The following KCNC2 variants were observed in gnomAD, a reference collection of about 807,000 sequenced individuals.
KCNC2 encodes the protein voltage-gated potassium channel KCNC2.
Under a neutral mutation model 44.5 loss-of-function variants are expected in KCNC2, and 21 were observed. That is an observed-to-expected ratio of 0.47 (90% CI 0.33 to 0.68). KCNC2 has a LOEUF of 0.68. Among genes scored for constraint, KCNC2 ranks in the 30% least tolerant of loss-of-function variants. KCNC2 has a pLI of 0.01. For synonymous variants in KCNC2, 391 were observed against 339.1 expected (o/e 1.15, Z -1.68); for missense variants, 589 against 826.2 (o/e 0.71, Z 3.52).
chr12:75,093,560 C>T (rs1013832744), intron 2 of KCNC2, among the ~76,000 whole-genome samples: 30 of 151,630 alleles, frequency 2.0e-4, no homozygotes, highest in South Asian at 2.1e-4. Context: ...TTTTGTCTAG[C>T]GGTATTAATC....
chr12:75,099,657 G>A (rs549647869), intron 2 of KCNC2, among the ~76,000 whole-genome samples: 2 of 152,092 alleles, frequency 1.3e-5, no homozygotes, highest in Non-Finnish European at 2.9e-5. Context: ...ATCATTTGAG[G>A]GAAATAAACT....
intron 2 of KCNC2, among the ~76,000 whole-genome samples, chr12:75,182,547 C>CAAAAAAAAACA: frequency 7.5e-6 from 1 of 133,438 alleles, no homozygotes; most frequent in South Asian, 2.4e-4. Context: ...ACAAAAAAAA[C>CAAAAAAAAACA]AAAAAAAAAC....
At chr12:75,109,219 T>G (rs1461838941) in intron 2 of KCNC2, among the ~76,000 whole-genome samples, 1 of 152,180 alleles carries the variant, frequency 6.6e-6, no homozygotes, top group African/African-American at 2.4e-5. Context: ...CCGATTATAA[T>G]CTTACAGAAA....
chr12:75,137,121 C>T (rs1257266983), intron 2 of KCNC2, among the ~76,000 whole-genome samples: 1 of 151,476 alleles, frequency 6.6e-6, no homozygotes, highest in African/African-American at 2.4e-5. Context: ...ACTTTTAGGG[C>T]TTCTCTTTTC....
At chr12:75,169,288 A>G (rs1248265920) in intron 2 of KCNC2, among the ~76,000 whole-genome samples, 1 of 151,590 alleles carries the variant, frequency 6.6e-6, no homozygotes, top group African/African-American at 2.4e-5. Context: ...ACATTTTTGA[A>G]TCATTGACTA....
chr12:75,040,944 G>GTAT lies in KCNC2; in HGVS notation c.*2160_*2161insATA, dbSNP rs1879826942. The GTAT allele has an allele frequency of 2.0e-5, 12 of 614,938 alleles. No individual in the cohort carries two copies. The highest frequency in any genetic ancestry group is 3.2e-4 in the Middle Eastern group (1 of 3,156). 38.1% of individuals were successfully genotyped at this position (614,938 alleles called of 1,614,324 possible). On this transcript the variant is annotated 3_prime_UTR_variant, in exon 5 of 5. Transcript: ENST00000549446. ...CAAGACTGTTGACCCATGCACACAT[G>GTAT]TTGGTATTTACAGTTGTTTCATGGA...
At chr12:75,133,064 A>G (rs1384440874) in intron 2 of KCNC2, among the ~76,000 whole-genome samples, 1 of 152,056 alleles carries the variant, frequency 6.6e-6, no homozygotes, top group East Asian at 1.9e-4. Context: ...AATCGATGAT[A>G]GACTTTATCA....
At position 75,207,395 on chromosome 12, in the gene KCNC2, C is replaced by A; in HGVS notation, c.589G>T (p.Gly197Trp). Residue 197 changes from glycine (G) to tryptophan (W), a missense_variant, in exon 2 of 5, where the codon GGG (glycine) becomes TGG (tryptophan). Around this residue, in one of 7 missense-constraint regions of KCNC2, gnomAD observed 97 missense variants for 73.3 expected, o/e 1.32. Coordinates refer to ENST00000549446, the MANE Select transcript of KCNC2 (RefSeq NM_139137.4). This position sits in a 1 kb window ranked among gnomAD's most constrained non-coding sequence, Gnocchi z 4.1. Reference sequence around the variant, plus strand: ...GATTTGCCGTCGGGGCCCCCGAGCCCCGCCGCGTCCTCGATGCCCAGCCTC... The same window carrying A: ...GATTTGCCGTCGGGGCCCCCGAGCCACGCCGCGTCCTCGATGCCCAGCCTC... ...AKRLGIEDAA[G>W]LGGPDGKSGR... is the part of the protein sequence containing the mutation. 1 of 1,588,590 alleles carries A rather than the reference C, an allele frequency of 6.3e-7. No individual in the cohort carries two copies. The highest frequency in any genetic ancestry group is 2.3e-5 in the East Asian group (1 of 43,562).
intron 2 of KCNC2, among the ~76,000 whole-genome samples, chr12:75,161,076 A>G (rs1040603182): frequency 6.6e-6 from 1 of 151,696 alleles, no homozygotes; most frequent in Non-Finnish European, 1.5e-5. Flanking sequence ...TAATTAGCCC[A>G]TATAACTCAA....
At chr12:75,157,660 A>C (rs1890853513) in intron 2 of KCNC2, among the ~76,000 whole-genome samples, 1 of 151,834 alleles carries the variant, frequency 6.6e-6, no homozygotes, top group African/African-American at 2.4e-5. Flanking sequence ...AGGCCATCAA[A>C]AGTCCCCATG....
intron 2 of KCNC2, among the ~76,000 whole-genome samples, chr12:75,107,496 G>A (rs1185245757): frequency 6.6e-6 from 1 of 152,160 alleles, no homozygotes; most frequent in Non-Finnish European, 1.5e-5. Context: ...ACCGCTGTCA[G>A]AAAAGATTTC....
chr12:75,204,416 T>A (rs1430795972), intron 2 of KCNC2, among the ~76,000 whole-genome samples: 1 of 151,956 alleles, frequency 6.6e-6, no homozygotes, highest in Non-Finnish European at 1.5e-5. Context: ...ACAAAGCACA[T>A]CTATTATATA....
intron 2 of KCNC2, among the ~76,000 whole-genome samples, chr12:75,137,301 T>A (rs1889302717): frequency 6.6e-6 from 1 of 152,186 alleles, no homozygotes; most frequent in Non-Finnish European, 1.5e-5. Context: ...AAATCTCATA[T>A]AATTTACTGG....
chr12:75,120,714 T>A (rs1441253000), intron 2 of KCNC2, among the ~76,000 whole-genome samples: 1 of 152,202 alleles, frequency 6.6e-6, no homozygotes, highest in African/African-American at 2.4e-5. Context: ...GAAAGGCAGT[T>A]GCTGGACCTT....
chr12:75,066,223 T>C (rs1378197238), intron 2 of KCNC2, among the ~76,000 whole-genome samples: 2 of 152,154 alleles, frequency 1.3e-5, no homozygotes, highest in Non-Finnish European at 2.9e-5. Flanking sequence ...TTTGCTTTGT[T>C]ATGTTCTGCT....
intron 2 of KCNC2, among the ~76,000 whole-genome samples, chr12:75,095,728 G>T (rs567092936): frequency 2.6e-5 from 4 of 151,702 alleles, no homozygotes; most frequent in Admixed American, 6.6e-5. Flanking sequence ...CACCTAATAC[G>T]CAGGAAAACA....
At chr12:75,053,198 A>C (rs1204377627) in intron 2 of KCNC2, among the ~76,000 whole-genome samples, 1 of 152,076 alleles carries the variant, frequency 6.6e-6, no homozygotes, top group African/African-American at 2.4e-5. Context: ...TTTAGGAGTC[A>C]TGATTGTTTC....
At chr12:75,071,897 C>A (rs1427232954) in intron 2 of KCNC2, among the ~76,000 whole-genome samples, 1 of 126,006 alleles carries the variant, frequency 7.9e-6, no homozygotes, top group Non-Finnish European at 1.6e-5. Context: ...GAGATCACGC[C>A]ACTGCACTCT....
chr12:75,079,399 T>A (rs1376157902), intron 2 of KCNC2, among the ~76,000 whole-genome samples: 1 of 152,132 alleles, frequency 6.6e-6, no homozygotes, highest in African/African-American at 2.4e-5. Context: ...AGTTCAGCTG[T>A]GAAAAACAAT....
Sources: allele counts gnomAD v4.1 joint callset (sites outside exome capture counted in the v4.1 genomes callset), GRCh38; gene constraint gnomAD v4.1.1; regional missense constraint gnomAD v4.1.1; non-coding constraint Gnocchi (gnomAD v3.1); transcripts MANE v1.5; gene names NCBI Gene and HGNC (gene_info 2026-07-23, HGNC 2026-07-21).